Variants in NSUN7 observed in about 807,000 individuals in gnomAD.
NSUN7 encodes the protein NOP2/Sun RNA methyltransferase family member 7.
NSUN7 carries 39 observed loss-of-function variants against 58.5 expected under a neutral mutation model. The observed-to-expected ratio is 0.67, with a 90% CI of 0.52 to 0.87. The LOEUF (loss-of-function observed/expected upper bound fraction) is 0.87, where lower values mean the gene tolerates loss of function less well. Among genes scored for constraint, NSUN7 ranks in the 40% least tolerant of loss-of-function variants. The pLI is 0.00. For missense variants in NSUN7, 765 were observed against 844.1 expected (o/e 0.91, Z 1.16); for synonymous variants, 278 against 303.7 (o/e 0.92, Z 0.88).
rs867849805 is a variant in NSUN7 at position 40,782,070 on chromosome 4, A to G, written c.1036+5811A>G. 7.2e-4 allele frequency among the ~76,000 whole-genome samples: 110 copies of G among 152,330 alleles called. 1 individual carries two copies. In the Middle Eastern group the frequency reaches 0.01, roughly 14 times the overall value. On this transcript the variant is annotated intron_variant, in intron 7 of 11. Coordinates refer to ENST00000381782, the MANE Select transcript of NSUN7 (RefSeq NM_024677.6). ...TACAAAAAATCCAAAGGAATCAATGAATAAACTATTAGAACTAACAAATTA... is the reference window on the plus strand; with the variant it reads ...TACAAAAAATCCAAAGGAATCAATGGATAAACTATTAGAACTAACAAATTA...
intron 7 of NSUN7, among the ~76,000 whole-genome samples, chr4:40,777,332 A>AT (rs896396470): frequency 3.0e-4 from 45 of 151,676 alleles, no homozygotes; most frequent in Middle Eastern, 3.4e-3. Context: ...ATTTTTTTAA[A>AT]TTTTTTTTTA....
At chr4:40,786,113 T>G in intron 7 of NSUN7, 1 of 1,557,052 alleles carries the variant, frequency 6.4e-7, no homozygotes, top group Non-Finnish European at 8.7e-7. Context: ...CACCTGGAAA[T>G]GGGGAATGGG....
chr4:40,805,119 C>T (rs1404939271), intron 10 of NSUN7, among the ~76,000 whole-genome samples: 2 of 152,176 alleles, frequency 1.3e-5, no homozygotes, highest in South Asian at 2.1e-4. Flanking sequence ...GCATTGCTTC[C>T]TCACCAAGTG....
intron 4 of NSUN7, among the ~76,000 whole-genome samples, chr4:40,763,332 G>A (rs1160837245): frequency 3.3e-5 from 5 of 152,242 alleles, no homozygotes; most frequent in Non-Finnish European, 7.4e-5. Flanking sequence ...CTTTGTGTCT[G>A]GGGGAAACCA....
Position 40,780,792 on chromosome 4 carries a change from CATATATATAT to C in NSUN7, c.1036+4546_1036+4555del, listed in dbSNP as rs765088042. On this transcript the variant is annotated intron_variant, in intron 7 of 11. Coordinates refer to ENST00000381782, the MANE Select transcript of NSUN7 (RefSeq NM_024677.6). ...ACACACACACACACACACACATACA[CATATATATAT>C]ATATATATATATTTTTTTTTTTTTT... Among the ~76,000 whole-genome samples the C allele has an allele frequency of 2.4e-3, 234 of 98,760 alleles. 3 individuals are homozygous for C. The highest frequency in any genetic ancestry group is 0.012 in the East Asian group (43 of 3,520). 64.8% of individuals were successfully genotyped at this position (98,760 alleles called of 152,430 possible).
At chr4:40,803,836 G>A (rs559893344) in intron 10 of NSUN7, among the ~76,000 whole-genome samples, 2 of 152,156 alleles carry the variant, frequency 1.3e-5, no homozygotes, top group East Asian at 1.9e-4. Context: ...CTATTGAATG[G>A]TCTTGGCACC....
chr4:40,779,961 G>T (rs1742446186), intron 7 of NSUN7, among the ~76,000 whole-genome samples: 1 of 152,070 alleles, frequency 6.6e-6, no homozygotes, highest in African/African-American at 2.4e-5. Context: ...ATGAAATATA[G>T]AATTGGAATA....
intron 10 of NSUN7, among the ~76,000 whole-genome samples, chr4:40,802,448 G>A (rs1211904415): frequency 6.6e-6 from 1 of 152,120 alleles, no homozygotes; most frequent in Non-Finnish European, 1.5e-5. Context: ...TCCCATTAAA[G>A]GGATGAAGTA....
At chr4:40,773,486 C>T (rs1742108670) in intron 4 of NSUN7, among the ~76,000 whole-genome samples, 1 of 151,944 alleles carries the variant, frequency 6.6e-6, no homozygotes, top group Non-Finnish European at 1.5e-5. Context: ...AGTTTGAGAA[C>T]AGCTTGGCCA....
chr4:40,764,565 C>T (rs1741621178), intron 4 of NSUN7, among the ~76,000 whole-genome samples: 2 of 152,084 alleles, frequency 1.3e-5, no homozygotes, highest in South Asian at 4.1e-4. Context: ...TTTATAACAG[C>T]ATGATTTATA....
chr4:40,786,397 A>G (rs2154288370), intron 7 of NSUN7: 1 of 1,612,022 alleles, frequency 6.2e-7, no homozygotes, highest in Non-Finnish European at 8.5e-7. Flanking sequence ...CACAGATGGC[A>G]TTGTGTTTGT....
chr4:40,779,391 C>T (rs1742418614), intron 7 of NSUN7, among the ~76,000 whole-genome samples: 1 of 152,118 alleles, frequency 6.6e-6, no homozygotes, highest in Admixed American at 6.6e-5. Flanking sequence ...ATCACAAGGT[C>T]AGGAGATCGA....
intron 4 of NSUN7, among the ~76,000 whole-genome samples, chr4:40,770,821 G>C (rs1229625895): frequency 1.3e-5 from 2 of 152,200 alleles, no homozygotes; most frequent in Non-Finnish European, 2.9e-5. Context: ...GGGAGGCCAA[G>C]GTGGGCGGAT....
In NSUN7 at chr4:40,775,162, A is replaced by G. The variant is rs1742206825; in HGVS notation, c.825+212A>G. 3.8e-6 allele frequency: 1 copy of G among 260,874 alleles called. No individual in the cohort carries two copies. Among genetic ancestry groups the G allele is most frequent in the Admixed American group, 5.4e-5 (1 of 18,616 alleles). 16.2% of individuals were successfully genotyped at this position (260,874 alleles called of 1,614,324 possible). A position where few individuals can be genotyped will look rare whatever the true frequency, so the allele number is the denominator to read the frequency against. On this transcript the variant is annotated intron_variant, in intron 6 of 11. Transcript: ENST00000381782. This position sits in a 1 kb window ranked among gnomAD's most constrained non-coding sequence, Gnocchi z 4.3. ...TCTCATGTGAATTTATAAAGAACAT[A>G]TTCTTCTCCCAGATTCCATGAATGG...
At position 40,776,254 on chromosome 4, in the gene NSUN7, G is replaced by A. The variant is rs768290847; in HGVS notation, c.1031G>A (p.Cys344Tyr). The change falls in exon 7 of 12, where the codon TGT becomes TAT. Residue 344 changes from cysteine to tyrosine, a missense_variant. Coordinates refer to ENST00000381782, the MANE Select transcript of NSUN7 (RefSeq NM_024677.6). ...AAGACCCTTTTCACAAAAATAGGAT[G>A]TAAAAGTATGTAAAAATATTTCTTC... ...DLKTLFTKIG[C>Y]KNIEILHEKF... The A allele has an allele frequency of 6.4e-7, 1 of 1,561,032 alleles. No homozygotes were observed. Among genetic ancestry groups the A allele is most frequent in the Non-Finnish European group, 8.7e-7 (1 of 1,151,430 alleles).
At position 40,798,864 on chromosome 4, in the gene NSUN7, C is replaced by G; in HGVS notation, c.1360C>G (p.Leu454Val). 1 of 1,611,920 alleles carries G rather than the reference C, an allele frequency of 6.2e-7. No homozygotes were observed. Among genetic ancestry groups the G allele is most frequent in the Non-Finnish European group, 8.5e-7 (1 of 1,178,646 alleles). ...AAATGAAGCTGTTGTTAAGAAAGCACTGGAATTTCAAGACCTTGGGAATAA... is the reference window on the plus strand; with the variant it reads ...AAATGAAGCTGTTGTTAAGAAAGCAGTGGAATTTCAAGACCTTGGGAATAA... Reference protein sequence around the residue: ...EENEAVVKKALEFQDLGNKGQ... With the variant: ...EENEAVVKKAVEFQDLGNKGQ... The change falls in exon 10 of 12, where the codon CTG (leucine) becomes GTG (valine). Residue 454 changes from leucine to valine, a missense_variant. Transcript: ENST00000381782.
chr4:40,794,577 T>G, intron 9 of NSUN7, 101 bp downstream of exon 9: 1 of 637,540 alleles, frequency 1.6e-6, no homozygotes, highest in South Asian at 2.3e-5. Flanking sequence ...GTGTGAGCCA[T>G]GAGCACATTT....
At chr4:40,766,291 AG>A (rs201483003) in intron 4 of NSUN7, among the ~76,000 whole-genome samples, 115,234 of 149,150 alleles carry the variant, frequency 0.77, 44,638 homozygotes, top group Admixed American at 0.83. Context: ...TTTAGCATGA[AG>A]GGTTGTTGAA....
At chr4:40,768,751 A>G (rs538207244) in intron 4 of NSUN7, among the ~76,000 whole-genome samples, 25 of 152,330 alleles carry the variant, frequency 1.6e-4, no homozygotes, top group Non-Finnish European at 3.4e-4. Flanking sequence ...CATTCTTTGT[A>G]TAAAATGTAA....
Sources: allele counts gnomAD v4.1 joint callset (sites outside exome capture counted in the v4.1 genomes callset), GRCh38; gene constraint gnomAD v4.1.1; non-coding constraint Gnocchi (gnomAD v3.1); transcripts MANE v1.5; gene names NCBI Gene and HGNC (gene_info 2026-07-23, HGNC 2026-07-21).